The following MRPS18B variants were observed in gnomAD, a reference collection of about 807,000 sequenced individuals.
MRPS18B encodes the protein small ribosomal subunit protein mS40.
In MRPS18B, 27 loss-of-function variants were observed where a neutral mutation model predicts 28.4. The observed-to-expected ratio is 0.95, with a 90% CI of 0.70 to 1.31. The LOEUF (loss-of-function observed/expected upper bound fraction) is 1.31, where lower values mean the gene tolerates loss of function less well. Ranked by LOEUF, MRPS18B falls within the 40% of genes most tolerant of loss-of-function variation. MRPS18B has a pLI of 0.00. For missense variants in MRPS18B, 343 were observed against 335.9 expected (o/e 1.02, Z -0.17); for synonymous variants, 118 against 123.7 (o/e 0.95, Z 0.30).
Position 30,618,953 on chromosome 6 carries a change from CTG to C in MRPS18B, c.79-538_79-537del, listed in dbSNP as rs542660873. On this transcript the variant is annotated intron_variant, in intron 1 of 6. Coordinates refer to ENST00000259873, the MANE Select transcript of MRPS18B (RefSeq NM_014046.4). ...TTTTTTCTTTACACGAAATCTCACT[CTG>C]TTGCCAGGTTGGAGTGTAGTGGCGC... Among the ~76,000 whole-genome samples, 34 of 152,138 alleles carry C rather than the reference CTG, an allele frequency of 2.2e-4. 1 individual carries two copies. The South Asian group carries it at 6.9e-3, about 31-fold the overall frequency.
intron 1 of MRPS18B, 150 bp downstream of exon 1, chr6:30,618,093 C>T: frequency 1.3e-6 from 1 of 784,462 alleles, no homozygotes. Context: ...CCCCCACACC[C>T]CGCGCATTTT....
chr6:30,618,034 C>A, intron 1 of MRPS18B, 91 bp downstream of exon 1: 2 of 1,361,818 alleles, frequency 1.5e-6, no homozygotes, highest in Non-Finnish European at 2.1e-6. Flanking sequence ...CGAGTGGAGA[C>A]CTTCCCACGT....
chr6:30,625,827 G>C lies in MRPS18B; in HGVS notation c.*30G>C, dbSNP rs748208549. 1.3e-6 allele frequency: 2 copies of C among 1,578,798 alleles called. No homozygotes were observed. The highest frequency in any genetic ancestry group is 2.7e-5 in the African/African-American group (2 of 74,086). On this transcript the variant is annotated 3_prime_UTR_variant, in exon 7 of 7. Coordinates refer to ENST00000259873, the MANE Select transcript of MRPS18B (RefSeq NM_014046.4). ...TGTAGACTGGGAAGAGAGGCCAGGC[G>C]TGGTGGCTCACTCCTGTAATCCCAG...
intron 2 of MRPS18B, 45 bp from the exon 3 acceptor site, chr6:30,619,664 A>G (rs780381028): frequency 1.2e-6 from 2 of 1,609,996 alleles, no homozygotes; most frequent in Admixed American, 1.7e-5. Context: ...AGAGCCACCC[A>G]CTACACTCCC....
rs1409238378 is a variant in MRPS18B, at chr6:30,619,693, T to C, written c.188-16T>C. ...CACTCCCACCCAGGAATAACTTGTATGATCTTTCATTTCAGAATACCAGGA... is the reference window on the plus strand; with the variant it reads ...CACTCCCACCCAGGAATAACTTGTACGATCTTTCATTTCAGAATACCAGGA... On this transcript the variant is annotated splice_polypyrimidine_tract_variant and intron_variant, in intron 2 of 6. Coordinates refer to ENST00000259873, the MANE Select transcript of MRPS18B (RefSeq NM_014046.4). The C allele has an allele frequency of 6.2e-7, 1 of 1,613,330 alleles. No homozygotes were observed. Among genetic ancestry groups the C allele is most frequent in the South Asian group, 1.1e-5 (1 of 91,084 alleles).
At chr6:30,622,506 G>A (rs1761219925) in intron 4 of MRPS18B, among the ~76,000 whole-genome samples, 1 of 144,640 alleles carries the variant, frequency 6.9e-6, no homozygotes, top group South Asian at 2.2e-4. Flanking sequence ...AGGTTGTGGT[G>A]AGCTGAGATC....
rs139249163 is a variant in MRPS18B, at chr6:30,621,816, G to A, written c.355-1016G>A. Among the ~76,000 whole-genome samples, 1,199 of 152,038 alleles carry A rather than the reference G, an allele frequency of 7.9e-3. 14 individuals carry two copies. Among genetic ancestry groups the A allele is most frequent in the Middle Eastern group, 0.037 (11 of 294 alleles). On this transcript the variant is annotated intron_variant, in intron 4 of 6. Transcript: ENST00000259873. ...AAAAAAATTAGCTGGGTGTGATGGC[G>A]GGCGCCTGTAGTCCCAGCTTCTCAG... is the stretch of plus-strand genomic sequence containing the variant.
In MRPS18B at chr6:30,625,496, C is replaced by A. The variant is rs747259779; in HGVS notation, c.482-6C>A. The A allele has an allele frequency of 3.6e-5, 55 of 1,541,480 alleles. No homozygotes were observed. The highest frequency in any genetic ancestry group is 4.7e-5 in the Non-Finnish European group (54 of 1,140,228). On this transcript the variant is annotated splice_polypyrimidine_tract_variant and splice_region_variant and intron_variant, in intron 6 of 6. Coordinates refer to ENST00000259873, the MANE Select transcript of MRPS18B (RefSeq NM_014046.4). ...CTTAAATTTCTTTTCTTTTTTAATCCCTTAGGTCTCCTCATTTACCACATC... is the reference window on the plus strand; with the variant it reads ...CTTAAATTTCTTTTCTTTTTTAATCACTTAGGTCTCCTCATTTACCACATC...
chr6:30,621,005 G>A (rs769264214), intron 4 of MRPS18B, among the ~76,000 whole-genome samples: 1 of 152,242 alleles, frequency 6.6e-6, no homozygotes, highest in Non-Finnish European at 1.5e-5. Flanking sequence ...TGCCATGCTG[G>A]CACCTGGGGC....
Position 30,624,795 on chromosome 6 carries a change from C to T in MRPS18B, c.422-88C>T, listed in dbSNP as rs532074005. On this transcript the variant is annotated intron_variant, in intron 5 of 6. Coordinates refer to ENST00000259873, the MANE Select transcript of MRPS18B (RefSeq NM_014046.4). ...GGGTCATTAGGTAAAGCCAATCCTT[C>T]CCAATCTACCCCTCTGTCACCATAT... 6.8e-6 allele frequency: 10 copies of T among 1,463,772 alleles called. No individual in the cohort carries two copies. In the African/African-American group the frequency reaches 1.2e-4, roughly 18 times the overall value. The allele number at this position is 1,463,772 out of a possible 1,614,324, so 90.7% of individuals were successfully genotyped here.
intron 1 of MRPS18B, among the ~76,000 whole-genome samples, chr6:30,619,268 T>C (rs1760978411): frequency 6.6e-6 from 1 of 152,170 alleles, no homozygotes. Flanking sequence ...TTTAGGCATA[T>C]ATCCCCTAAC....
At chr6:30,621,163 A>G (rs1456199461) in intron 4 of MRPS18B, among the ~76,000 whole-genome samples, 1 of 152,214 alleles carries the variant, frequency 6.6e-6, no homozygotes, top group Non-Finnish European at 1.5e-5. Context: ...GCACTTTGGG[A>G]GGCCCAGGCA....
At chr6:30,618,015 A>C (rs951162218) in intron 1 of MRPS18B, 72 bp downstream of exon 1, 1 of 1,531,278 alleles carries the variant, frequency 6.5e-7, no homozygotes, top group Non-Finnish European at 9.0e-7. Flanking sequence ...CTCCACTGTC[A>C]GGAATCCACG....
At chr6:30,620,260 T>C in intron 4 of MRPS18B, 1 of 416,962 alleles carries the variant, frequency 2.4e-6, no homozygotes. Flanking sequence ...GAGCTTGCGG[T>C]GAGCTGAGAT....
chr6:30,618,093 C>G (rs1332315423), intron 1 of MRPS18B, 150 bp downstream of exon 1: 6 of 784,342 alleles, frequency 7.6e-6, no homozygotes, highest in East Asian at 5.4e-5. Context: ...CCCCCACACC[C>G]CGCGCATTTT....
chr6:30,623,289 A>G (rs1218865495), intron 5 of MRPS18B, among the ~76,000 whole-genome samples: 1 of 151,732 alleles, frequency 6.6e-6, no homozygotes, highest in Non-Finnish European at 1.5e-5. Flanking sequence ...GTGAGCCAAC[A>G]TTGCGCCATT....
At position 30,625,708 on chromosome 6, in the gene MRPS18B, C is replaced by G. The variant is rs34315095; in HGVS notation, c.688C>G (p.Pro230Ala). The G allele has an allele frequency of 0.021, 34,577 of 1,612,960 alleles. 723 individuals are homozygous for G. Among genetic ancestry groups the G allele is most frequent in the African/African-American group, 0.11 (8,028 of 74,984 alleles). ...YQGHLQEESG[P>A]PPESMPKMPP... is the part of the protein sequence containing the mutation. ...GGGTCATCTCCAAGAAGAGAGTGGC[C>G]CCCCACCTGAGTCAATGCCCAAGAT... The change falls in exon 7 of 7, where the codon CCC becomes GCC. Residue 230 changes from proline to alanine, a missense_variant. Pro to Ala is a conservative substitution (Grantham distance 27). Coordinates refer to ENST00000259873, the MANE Select transcript of MRPS18B (RefSeq NM_014046.4).
At chr6:30,624,536 T>C (rs1761365767) in intron 5 of MRPS18B, among the ~76,000 whole-genome samples, 1 of 152,264 alleles carries the variant, frequency 6.6e-6, no homozygotes, top group Non-Finnish European at 1.5e-5. Flanking sequence ...TCCCCAACTC[T>C]GAAATCTCTT....
Position 30,624,881 on chromosome 6 carries a change from A to G in MRPS18B, c.422-2A>G, listed in dbSNP as rs1269428282. ...AAGAACAAGATATTTTTCTCCCCAC[A>G]GGAGTCTGTGTGAAGCAGCACAAGC... On this transcript the variant is annotated splice_acceptor_variant, in intron 5 of 6. Transcript: ENST00000259873. LOFTEE classifies it high-confidence loss of function. 4 of 1,612,790 alleles carry G rather than the reference A, an allele frequency of 2.5e-6. No homozygotes were observed. Among genetic ancestry groups the G allele is most frequent in the Non-Finnish European group, 3.4e-6 (4 of 1,179,868 alleles).
Sources: allele counts gnomAD v4.1 joint callset (sites outside exome capture counted in the v4.1 genomes callset), GRCh38; gene constraint gnomAD v4.1.1; transcripts MANE v1.5; gene names NCBI Gene and HGNC (gene_info 2026-07-23, HGNC 2026-07-21).